The following NPIPB2 variants were observed in gnomAD, a reference collection of about 807,000 sequenced individuals.
NPIPB2 encodes the protein nuclear pore complex-interacting protein family member B2.
NPIPB2 carries 27 observed loss-of-function variants against 30.8 expected under a neutral mutation model. That is an observed-to-expected ratio of 0.88 (90% CI 0.65 to 1.21). The LOEUF (loss-of-function observed/expected upper bound fraction) is 1.21. Ranked by LOEUF, NPIPB2 falls within the 50% of genes most tolerant of loss-of-function variation. NPIPB2 has a pLI of 0.00. For missense variants in NPIPB2, 440 were observed against 446.2 expected (o/e 0.99, Z 0.13); for synonymous variants, 147 against 162.0 (o/e 0.91, Z 0.70).
intron 4 of NPIPB2, among the ~76,000 whole-genome samples, chr16:11,932,285 T>C (rs1305237099): frequency 3.3e-5 from 5 of 151,952 alleles, no homozygotes; most frequent in African/African-American, 7.2e-5. Context: ...AGATCAGTCA[T>C]ATGGCAGCAA....
At chr16:11,945,411 C>T (rs1311418683), upstream of NPIPB2, among the ~76,000 whole-genome samples, 5 of 151,622 alleles carry the variant, frequency 3.3e-5, no homozygotes, top group African/African-American at 1.2e-4. Context: ...CAGTAACTCA[C>T]ACCTGTAATC....
chr16:11,932,938 A>G (rs2054810391), intron 4 of NPIPB2, among the ~76,000 whole-genome samples: 1 of 150,466 alleles, frequency 6.6e-6, no homozygotes. Flanking sequence ...AGCCTGGGCG[A>G]CAGAGCGAGA....
chr16:11,942,069 T>G, upstream of NPIPB2: 8 of 1,464,036 alleles, frequency 5.5e-6, no homozygotes, highest in Non-Finnish European at 7.4e-6. Context: ...AAGGTCCCGA[T>G]AGTAAACCAT....
At chr16:11,947,011 C>G (rs2055016949), upstream of NPIPB2, among the ~76,000 whole-genome samples, 1 of 145,478 alleles carries the variant, frequency 6.9e-6, no homozygotes, top group Non-Finnish European at 1.5e-5. Flanking sequence ...TGTGACCCAC[C>G]TTGACCAGCC....
intron 1 of NPIPB2, among the ~76,000 whole-genome samples, chr16:11,950,053 C>T (rs571503624): frequency 1.1e-4 from 16 of 151,912 alleles, no homozygotes; most frequent in Admixed American, 2.0e-4. Context: ...TTATTTTTTC[C>T]GAGATGGAGT....
chr16:11,951,670 A>ACACACAC, intron 1 of NPIPB2, among the ~76,000 whole-genome samples: 2 of 145,632 alleles, frequency 1.4e-5, no homozygotes, highest in African/African-American at 2.5e-5. Context: ...ACACACACCC[A>ACACACAC]GCCCCCAAAC....
chr16:11,936,220 C>A (rs74758161), intron 2 of NPIPB2, among the ~76,000 whole-genome samples: 27,356 of 149,614 alleles, frequency 0.18, 4,654 homozygotes, highest in African/African-American at 0.44. Context: ...AGGGGAATCA[C>A]TTGAAGCCAG....
intron 1 of NPIPB2, among the ~76,000 whole-genome samples, chr16:11,955,136 T>C (rs1013179558): frequency 2.0e-5 from 3 of 151,726 alleles, no homozygotes; most frequent in Non-Finnish European, 4.4e-5. Context: ...GCATGGTGGA[T>C]TGAGGCCAGG....
intron 1 of NPIPB2, among the ~76,000 whole-genome samples, chr16:11,960,373 G>C (rs1414955831): frequency 2.1e-4 from 9 of 41,956 alleles, no homozygotes; most frequent in Non-Finnish European, 3.4e-4. Context: ...TTTTTTTTTT[G>C]AGACAGAGTC....
chr16:11,952,099 C>A (rs1207366026), intron 1 of NPIPB2, among the ~76,000 whole-genome samples: 5 of 141,974 alleles, frequency 3.5e-5, no homozygotes, highest in Non-Finnish European at 7.5e-5. Context: ...GCGGCGCTTG[C>A]AGTGAGCCAA....
At chr16:11,948,766 C>CAAAA (rs34639444) in intron 1 of NPIPB2, among the ~76,000 whole-genome samples, 38 of 67,180 alleles carry the variant, frequency 5.7e-4, no homozygotes, top group South Asian at 1.3e-3. Flanking sequence ...GACTCCGTCT[C>CAAAA]AAAAAAAAAA....
chr16:11,957,633 A>C (rs1567476209), intron 1 of NPIPB2, among the ~76,000 whole-genome samples: 1 of 152,252 alleles, frequency 6.6e-6, no homozygotes. Flanking sequence ...ACTGCCCTTC[A>C]TAATGTGCGT....
At chr16:11,965,345 G>A in intron 1 of NPIPB2, 1 of 1,614,200 alleles carries the variant, frequency 6.2e-7, no homozygotes, top group Non-Finnish European at 8.5e-7. Flanking sequence ...TGGCTGGGCA[G>A]TGCTCCCAAA....
upstream of NPIPB2, among the ~76,000 whole-genome samples, chr16:11,943,530 C>T (rs1397922181): frequency 2.0e-5 from 3 of 151,198 alleles, no homozygotes; most frequent in East Asian, 2.0e-4. Flanking sequence ...GGTGAAACCC[C>T]GTCTCTACTA....
Position 11,927,474 on chromosome 16 carries a change from C to T in NPIPB2, c.1093G>A (p.Glu365Lys), listed in dbSNP as rs113445369. 3.9e-3 allele frequency: 4,800 copies of T among 1,226,848 alleles called. 154 individuals carry two copies. The African/African-American group carries it at 0.1, about 26-fold the overall frequency. The allele number at this position is 1,226,848 out of a possible 1,614,324, so 76.0% of individuals were successfully genotyped here. The change falls in exon 8 of 8, where the codon GAA (glutamate) becomes AAA (lysine). Residue 365 changes from glutamate to lysine, a missense_variant. Around this residue, in one of 3 missense-constraint regions of NPIPB2, gnomAD observed 140 missense variants for 116.8 expected, o/e 1.20. Transcript: ENST00000399147. ...TCAGCGGCCCTCCGCCTCTTGGGTT[C>T]GGGTGGTGATTCCACCTCAGCGGCC...
chr16:11,967,620 G>A (rs2055205667), intron 1 of NPIPB2: 1 of 1,614,070 alleles, frequency 6.2e-7, no homozygotes, highest in Admixed American at 1.7e-5. Context: ...GAGCAGGACT[G>A]GTGATGAAAT....
chr16:11,969,925 C>G (rs1011064743), intron 1 of NPIPB2, among the ~76,000 whole-genome samples: 1 of 119,628 alleles, frequency 8.4e-6, no homozygotes, highest in Non-Finnish European at 1.7e-5. Flanking sequence ...CTGGCATCAT[C>G]TTGGCTCACT....
At chr16:11,946,522 A>G (rs190016917), upstream of NPIPB2, among the ~76,000 whole-genome samples, 31 of 151,880 alleles carry the variant, frequency 2.0e-4, no homozygotes, top group East Asian at 5.4e-3. Flanking sequence ...ACTGTGAGCT[A>G]TGATTGTGCC....
intron 4 of NPIPB2, 29 bp from the exon 5 acceptor site, chr16:11,930,580 C>T (rs1256377068): frequency 1.4e-5 from 21 of 1,524,624 alleles, no homozygotes; most frequent in African/African-American, 5.6e-5. Flanking sequence ...GAAATGCACA[C>T]ACATGATCCA....
Sources: allele counts gnomAD v4.1 joint callset (sites outside exome capture counted in the v4.1 genomes callset), GRCh38; gene constraint gnomAD v4.1.1; regional missense constraint gnomAD v4.1.1; transcripts MANE v1.5; gene names NCBI Gene and HGNC (gene_info 2026-07-23, HGNC 2026-07-21).